The following TDRD5 variants were observed in gnomAD, a reference collection of about 807,000 sequenced individuals.
The protein encoded by TDRD5 is tudor domain containing 5, also known as tudor domain-containing protein 5.
A neutral mutation model predicts 120.6 loss-of-function variants in TDRD5; 41 were observed. The observed-to-expected ratio is 0.34, with a 90% CI of 0.26 to 0.44. The LOEUF is 0.44. Ranked by LOEUF, TDRD5 falls within the 20% of genes least tolerant of loss-of-function variation. TDRD5 has a pLI of 1.00. For synonymous variants in TDRD5, 430 were observed against 433.7 expected (o/e 0.99, Z 0.11); for missense variants, 1,006 against 1,221.2 (o/e 0.82, Z 2.63).
intron 4 of TDRD5, among the ~76,000 whole-genome samples, chr1:179,605,485 T>TG (rs1381381009): frequency 1.3e-5 from 2 of 151,826 alleles, no homozygotes; most frequent in African/African-American, 4.8e-5. Flanking sequence ...CAGGAGGAGG[T>TG]GGGGGGTAGG....
chr1:179,633,054 A>G (rs537915816), intron 7 of TDRD5, among the ~76,000 whole-genome samples: 1 of 152,336 alleles, frequency 6.6e-6, no homozygotes, highest in African/African-American at 2.4e-5. Context: ...ATGAATGTGT[A>G]TCACTTTCAT....
At chr1:179,640,849 G>A (rs771656091) in intron 11 of TDRD5, among the ~76,000 whole-genome samples, 21 of 152,128 alleles carry the variant, frequency 1.4e-4, no homozygotes, top group Admixed American at 1.0e-3. Flanking sequence ...GAGCTACAGC[G>A]GGTGCATGGT....
chr1:179,685,405 C>A (rs906572908), intron 17 of TDRD5, among the ~76,000 whole-genome samples: 19 of 152,080 alleles, frequency 1.2e-4, no homozygotes, highest in African/African-American at 4.6e-4. Flanking sequence ...TGGTCTATAT[C>A]TCTGTTTTGG....
intron 4 of TDRD5, among the ~76,000 whole-genome samples, chr1:179,616,891 A>G (rs1676590318): frequency 6.6e-6 from 1 of 152,168 alleles, no homozygotes; most frequent in African/African-American, 2.4e-5. Flanking sequence ...CATCAAAGGT[A>G]ATCTTTTTTT....
intron 11 of TDRD5, among the ~76,000 whole-genome samples, chr1:179,642,621 A>G (rs1164138210): frequency 6.6e-6 from 1 of 152,100 alleles, no homozygotes; most frequent in Non-Finnish European, 1.5e-5. Flanking sequence ...CTTTATCACT[A>G]TCTGATATTG....
intron 3 of TDRD5, among the ~76,000 whole-genome samples, chr1:179,594,176 G>C (rs1322089455): frequency 6.6e-6 from 1 of 152,132 alleles, no homozygotes; most frequent in Non-Finnish European, 1.5e-5. Flanking sequence ...GCTCTCTCTA[G>C]AACACTGTAA....
chr1:179,682,252 T>A (rs1680462771), intron 17 of TDRD5, among the ~76,000 whole-genome samples: 1 of 151,974 alleles, frequency 6.6e-6, no homozygotes, highest in Non-Finnish European at 1.5e-5. Context: ...TTTCTTTTTT[T>A]ATTATTACTA....
At chr1:179,646,622 G>A (rs931254852) in intron 11 of TDRD5, among the ~76,000 whole-genome samples, 15 of 149,806 alleles carry the variant, frequency 1.0e-4, no homozygotes, top group Non-Finnish European at 2.2e-4. Flanking sequence ...GGCAGGAGAA[G>A]GAAATAGAGG....
intron 13 of TDRD5, among the ~76,000 whole-genome samples, chr1:179,653,884 T>C (rs1321343227): frequency 6.6e-6 from 1 of 152,226 alleles, no homozygotes; most frequent in East Asian, 1.9e-4. Context: ...CATATCTTTA[T>C]GATGGTTGTA....
intron 4 of TDRD5, among the ~76,000 whole-genome samples, chr1:179,618,028 T>G (rs1322344823): frequency 6.6e-6 from 1 of 152,224 alleles, no homozygotes; most frequent in African/African-American, 2.4e-5. Flanking sequence ...GAGTGGGCCT[T>G]GCTTCTGAAC....
rs1676965600 is a variant in TDRD5 at position 179,623,654 on chromosome 1, AAG to A, written c.972+2570_972+2571del. ...TTTTTTTTTTTTTTTTTTTCCTTTT[AAG>A]AGAGAGTCTCACTGTCACCCAGGCT... On this transcript the variant is annotated intron_variant, in intron 6 of 17. Transcript: ENST00000444136. Among the ~76,000 whole-genome samples, 3 of 36,034 alleles carry A rather than the reference AAG, an allele frequency of 8.3e-5. No individual in the cohort carries two copies. The South Asian group carries it at 2.7e-3, about 33-fold the overall frequency. 23.6% of individuals were successfully genotyped at this position (36,034 alleles called of 152,430 possible).
chr1:179,630,517 T>C (rs770856694), intron 6 of TDRD5, among the ~76,000 whole-genome samples: 1 of 152,174 alleles, frequency 6.6e-6, no homozygotes, highest in Non-Finnish European at 1.5e-5. Context: ...AAGTGAAAAG[T>C]GCCCACCCTA....
At chr1:179,617,084 A>C (rs1676598989) in intron 4 of TDRD5, among the ~76,000 whole-genome samples, 1 of 152,204 alleles carries the variant, frequency 6.6e-6, no homozygotes, top group Middle Eastern at 3.2e-3. Context: ...TCTAAGACTA[A>C]GGGCTAGGTA....
Position 179,592,587 on chromosome 1 carries a change from CGTTTCT to C in TDRD5, c.-14-12_-14-7del. ...GGGTTTGCCCCCTTTTCCTCAGCTG[CGTTTCT>C]GTCTTCAGTCCTGTAGGGCACAATG... On this transcript the variant is annotated splice_polypyrimidine_tract_variant and intron_variant, in intron 1 of 17. Transcript: ENST00000444136. 6 of 1,599,980 alleles carry C rather than the reference CGTTTCT, an allele frequency of 3.8e-6. No homozygotes were observed. The highest frequency in any genetic ancestry group is 5.1e-6 in the Non-Finnish European group (6 of 1,168,716).
chr1:179,667,212 T>TC (rs1470673255), intron 16 of TDRD5, among the ~76,000 whole-genome samples: 1 of 152,230 alleles, frequency 6.6e-6, no homozygotes, highest in Admixed American at 6.5e-5. Context: ...TTTCAACTAA[T>TC]TGCTTAAATT....
chr1:179,653,382 A>C (rs1388420894), intron 13 of TDRD5, among the ~76,000 whole-genome samples: 2 of 152,178 alleles, frequency 1.3e-5, no homozygotes, highest in African/African-American at 4.8e-5. Context: ...CATTTTGACT[A>C]CTGGGAGATT....
chr1:179,634,414 A>G, intron 7 of TDRD5, 43 bp from the exon 8 acceptor site: 2 of 1,567,412 alleles, frequency 1.3e-6, no homozygotes, highest in Non-Finnish European at 1.7e-6. Context: ...TCTATTGGCC[A>G]TTTGAGATGG....
At position 179,595,641 on chromosome 1, in the gene TDRD5, C is replaced by T; in HGVS notation, c.654C>T (p.Thr218=). 3 of 1,557,660 alleles carry T rather than the reference C, an allele frequency of 1.9e-6. No individual in the cohort carries two copies. The highest frequency in any genetic ancestry group is 1.7e-6 in the Non-Finnish European group (2 of 1,156,590). Residue 218 remains threonine, a synonymous_variant, in exon 4 of 18, where the codon ACC becomes ACT. Transcript: ENST00000444136. ...PRGCPAGKIF[T]QPFRMKQGSY... is the part of the protein sequence containing the mutation. ...TACTCACAAAAGGTAAAATTTTTAC[C>T]CAGCCATTTAGAATGAAACAAGGGT...
chr1:179,597,440 TC>T (rs1675462448), intron 4 of TDRD5, among the ~76,000 whole-genome samples: 1 of 151,202 alleles, frequency 6.6e-6, no homozygotes, highest in African/African-American at 2.4e-5. Context: ...CAAGTGATTC[TC>T]CTGCCTCAGC....
Sources: allele counts gnomAD v4.1 joint callset (sites outside exome capture counted in the v4.1 genomes callset), GRCh38; gene constraint gnomAD v4.1.1; transcripts MANE v1.5; gene names NCBI Gene and HGNC (gene_info 2026-07-23, HGNC 2026-07-21).